SCHIP1: variants seen among roughly 807,000 people sequenced by gnomAD.
The protein encoded by SCHIP1 is schwannomin-interacting protein 1.
SCHIP1 carries 8 observed loss-of-function variants against 29.7 expected under a neutral mutation model. The ratio of observed to expected loss-of-function variants is 0.27; its 90% CI spans 0.16 to 0.49. The LOEUF is 0.49. Among genes scored for constraint, SCHIP1 ranks in the 20% least tolerant of loss-of-function variants. SCHIP1 has a pLI of 0.99. For synonymous variants in SCHIP1, 76 were observed against 94.9 expected, an observed-to-expected ratio of 0.80 and a Z score of 1.16; for missense variants, 193 against 294.6, an observed-to-expected ratio of 0.66 and a Z score of 2.52.
chr3:159,779,501 T>C, the SCHIP1 span, among the ~76,000 whole-genome samples: 2 of 139,006 alleles, frequency 1.4e-5, no homozygotes. Context: ...AAACCCTGTC[T>C]CTACCAAAAA....
chr3:159,808,961 A>T, the SCHIP1 span, among the ~76,000 whole-genome samples: 568 of 148,264 alleles, frequency 3.8e-3, 2 homozygotes, highest in African/African-American at 0.013. Flanking sequence ...CCGTCTCAAA[A>T]AAAAAGAAAC....
At chr3:159,816,613 A>G in the SCHIP1 span, among the ~76,000 whole-genome samples, 2 of 152,108 alleles carry the variant, frequency 1.3e-5, no homozygotes, top group African/African-American at 4.8e-5. Flanking sequence ...CCCCTAATCT[A>G]CCTACCTGAC....
chr3:159,672,574 T>G, the SCHIP1 span, among the ~76,000 whole-genome samples: 1 of 149,558 alleles, frequency 6.7e-6, no homozygotes, highest in Non-Finnish European at 1.5e-5. Context: ...CTTGAGATAT[T>G]TTTGGTTGTC....
chr3:159,394,293 A>G, the SCHIP1 span, among the ~76,000 whole-genome samples: 95,234 of 150,922 alleles, frequency 0.63, 30,813 homozygotes, highest in East Asian at 0.75. Flanking sequence ...TTTCCTAACT[A>G]AATACCCTTT....
intron 1 of SCHIP1, chr3:159,853,280 G>A (rs1712891252): frequency 1.7e-6 from 1 of 586,522 alleles, no homozygotes; most frequent in African/African-American, 1.9e-5. Context: ...AGCTCTCCAT[G>A]TCAGTATGAG....
At chr3:159,279,276 A>T in the SCHIP1 span, among the ~76,000 whole-genome samples, 5 of 152,156 alleles carry the variant, frequency 3.3e-5, no homozygotes, top group African/African-American at 4.8e-5. Flanking sequence ...CCCTGCACAC[A>T]CGCTCTTGCC....
chr3:159,295,215 A>C, the SCHIP1 span, among the ~76,000 whole-genome samples: 2 of 146,192 alleles, frequency 1.4e-5, no homozygotes, highest in Non-Finnish European at 3.0e-5. Flanking sequence ...CAGGAGTTCG[A>C]GACCAGCCTG....
chr3:159,651,065 T>C, the SCHIP1 span, among the ~76,000 whole-genome samples: 2 of 152,178 alleles, frequency 1.3e-5, no homozygotes, highest in African/African-American at 2.4e-5. Flanking sequence ...ATGAATAGTA[T>C]ACTATATGTA....
chr3:159,881,913 T>C (rs924982734), intron 2 of SCHIP1, among the ~76,000 whole-genome samples: 5 of 152,188 alleles, frequency 3.3e-5, no homozygotes, highest in African/African-American at 1.2e-4. Flanking sequence ...AGGGCTTCAG[T>C]TGAGACAACT....
chr3:159,518,482 A>G, the SCHIP1 span, among the ~76,000 whole-genome samples: 1 of 152,114 alleles, frequency 6.6e-6, no homozygotes, highest in African/African-American at 2.4e-5. Context: ...CCCTTTGAAG[A>G]AATTACAACA....
the SCHIP1 span, among the ~76,000 whole-genome samples, chr3:159,719,696 C>T: frequency 1.3e-5 from 2 of 152,316 alleles, no homozygotes; most frequent in Non-Finnish European, 2.9e-5. Context: ...TAGCATCTCA[C>T]ACCAGTTAGA....
the SCHIP1 span, among the ~76,000 whole-genome samples, chr3:159,680,399 C>G: frequency 3.3e-3 from 495 of 147,928 alleles, 1 homozygote; most frequent in Non-Finnish European, 5.4e-3. Context: ...ATCCCAGCTA[C>G]TCGAGAGGCT....
the SCHIP1 span, among the ~76,000 whole-genome samples, chr3:159,562,253 A>G: frequency 6.6e-6 from 1 of 152,194 alleles, no homozygotes; most frequent in Non-Finnish European, 1.5e-5. Flanking sequence ...TTCCACTTTC[A>G]TTAAAGAATT....
At chr3:159,382,567 A>T in the SCHIP1 span, among the ~76,000 whole-genome samples, 2 of 152,144 alleles carry the variant, frequency 1.3e-5, no homozygotes, top group African/African-American at 4.8e-5. Context: ...CAATAAACAT[A>T]CGTGTGCATG....
the SCHIP1 span, chr3:159,764,725 C>T: frequency 3.2e-6 from 5 of 1,573,746 alleles, no homozygotes; most frequent in Middle Eastern, 1.7e-4. This position sits in a 1 kb window ranked among gnomAD's most constrained non-coding sequence, Gnocchi z 6.1. Context: ...CCGGGATGAC[C>T]GCTCTCCGGC....
At chr3:159,781,477 A>G in the SCHIP1 span, among the ~76,000 whole-genome samples, 1 of 152,230 alleles carries the variant, frequency 6.6e-6, no homozygotes, top group Non-Finnish European at 1.5e-5. Flanking sequence ...TGCCCAGCCA[A>G]TAAGTTATAT....
chr3:159,664,838 G>C, the SCHIP1 span, among the ~76,000 whole-genome samples: 1 of 152,230 alleles, frequency 6.6e-6, no homozygotes, highest in African/African-American at 2.4e-5. Context: ...CTCAAAATGT[G>C]ACCCAGAACC....
intron 5 of SCHIP1, among the ~76,000 whole-genome samples, chr3:159,891,024 G>A (rs989549021): frequency 6.6e-6 from 1 of 152,120 alleles, no homozygotes; most frequent in Non-Finnish European, 1.5e-5. Context: ...GCTTGTTCAT[G>A]TTTTTCAGTG....
the SCHIP1 span, among the ~76,000 whole-genome samples, chr3:159,568,183 T>A: frequency 9.0e-3 from 1,377 of 152,232 alleles, 52 homozygotes; most frequent in Admixed American, 0.06. Flanking sequence ...TTATTAACTC[T>A]AATAATTTTA....
Sources: allele counts gnomAD v4.1 joint callset (sites outside exome capture counted in the v4.1 genomes callset), GRCh38; gene constraint gnomAD v4.1.1; non-coding constraint Gnocchi (gnomAD v3.1); transcripts MANE v1.5; gene names NCBI Gene and HGNC (gene_info 2026-07-23, HGNC 2026-07-21).